Variants in NRG3 observed in about 807,000 individuals in gnomAD.
NRG3 encodes the protein pro-neuregulin-3, membrane-bound isoform.
A neutral mutation model predicts 66.9 loss-of-function variants in NRG3; 31 were observed. The observed-to-expected ratio is 0.46, with a 90% confidence interval of 0.35 to 0.63. The LOEUF is 0.63. Among genes scored for constraint, NRG3 ranks in the 20% least tolerant of loss-of-function variants. The pLI, the probability that NRG3 is intolerant of heterozygous loss-of-function variation, is 0.00. For missense variants in NRG3, 910 were observed against 878.9 expected, an observed-to-expected ratio of 1.04 and a Z score of -0.45; for synonymous variants, 393 against 359.4, an observed-to-expected ratio of 1.09 and a Z score of -1.06.
At chr10:82,780,480 C>CTTTTTTTT (rs150086019) in intron 3 of NRG3, among the ~76,000 whole-genome samples, 1 of 106,058 alleles carries the variant, frequency 9.4e-6, no homozygotes, top group Non-Finnish European at 2.0e-5. Context: ...TTTTTCTTTT[C>CTTTTTTTT]TTTTTTTTTT....
chr10:82,391,222 G>T (rs1263330387), intron 2 of NRG3, among the ~76,000 whole-genome samples: 2 of 152,122 alleles, frequency 1.3e-5, no homozygotes, highest in African/African-American at 4.8e-5. Flanking sequence ...GCCCTGGTTT[G>T]GGTATGAGGT....
At chr10:82,902,289 A>G (rs936597263) in intron 4 of NRG3, among the ~76,000 whole-genome samples, 1 of 152,190 alleles carries the variant, frequency 6.6e-6, no homozygotes. Flanking sequence ...TAAGCAGGAA[A>G]GTTCTGGGGA....
chr10:81,998,797 G>A (rs2061049031), intron 1 of NRG3, among the ~76,000 whole-genome samples: 1 of 152,138 alleles, frequency 6.6e-6, no homozygotes, highest in South Asian at 2.1e-4. Flanking sequence ...CCTTTTACCT[G>A]TAAACATCCT....
chr10:82,472,098 A>ATT (rs1218752533), intron 2 of NRG3, among the ~76,000 whole-genome samples: 1 of 152,132 alleles, frequency 6.6e-6, no homozygotes. Context: ...TCTTGCTCCT[A>ATT]TGTAACCATA....
intron 1 of NRG3, among the ~76,000 whole-genome samples, chr10:82,291,453 A>G (rs2079742968): frequency 6.6e-6 from 1 of 152,238 alleles, no homozygotes; most frequent in South Asian, 2.1e-4. Context: ...AATCTTAGCA[A>G]GATCTTTTGT....
intron 2 of NRG3, among the ~76,000 whole-genome samples, chr10:82,562,456 A>G (rs996379188): frequency 3.5e-4 from 54 of 152,168 alleles, no homozygotes; most frequent in Non-Finnish European, 1.0e-4. Context: ...TCTAATCACT[A>G]TGATATAAAT....
chr10:82,729,474 A>G (rs551532715), intron 2 of NRG3, among the ~76,000 whole-genome samples: 7 of 152,302 alleles, frequency 4.6e-5, no homozygotes, highest in Admixed American at 3.9e-4. Context: ...GGTAAAATCA[A>G]AGCTAAGTTA....
chr10:82,351,530 G>A, intron 1 of NRG3, among the ~76,000 whole-genome samples: 1 of 152,134 alleles, frequency 6.6e-6, no homozygotes, highest in East Asian at 1.9e-4. Context: ...GTCTCTCTGT[G>A]CTGGAGAAGC....
intron 3 of NRG3, among the ~76,000 whole-genome samples, chr10:82,780,958 C>T (rs879883707): frequency 7.9e-5 from 12 of 152,224 alleles, no homozygotes; most frequent in Middle Eastern, 3.4e-3. Context: ...AGGCACTTCC[C>T]TTGGCCTCTT....
intron 3 of NRG3, among the ~76,000 whole-genome samples, chr10:82,752,530 T>A (rs1469945199): frequency 6.6e-6 from 1 of 152,210 alleles, no homozygotes; most frequent in Non-Finnish European, 1.5e-5. Context: ...TCATTTTATT[T>A]CAGTTCATAC....
chr10:82,617,733 A>G (rs969380468), intron 2 of NRG3, among the ~76,000 whole-genome samples: 5 of 152,164 alleles, frequency 3.3e-5, no homozygotes, highest in African/African-American at 1.2e-4. Flanking sequence ...GTGGGGCCGT[A>G]GTGGAAGCCA....
intron 2 of NRG3, among the ~76,000 whole-genome samples, chr10:82,466,349 G>A (rs941042240): frequency 6.6e-6 from 1 of 152,142 alleles, no homozygotes; most frequent in African/African-American, 2.4e-5. Context: ...AGTAGGGAGA[G>A]GGGATCTCTG....
chr10:82,087,066 A>G (rs1351293166), intron 1 of NRG3, among the ~76,000 whole-genome samples: 1 of 152,162 alleles, frequency 6.6e-6, no homozygotes, highest in Non-Finnish European at 1.5e-5. Context: ...AGCTGAGCAC[A>G]GAAGACCCAT....
chr10:82,609,581 A>G (rs1344963944), intron 2 of NRG3, among the ~76,000 whole-genome samples: 1 of 151,360 alleles, frequency 6.6e-6, no homozygotes, highest in Admixed American at 6.6e-5. Context: ...CCAACAGATT[A>G]TATTTTCCAA....
At chr10:82,119,272 C>T (rs75227515) in intron 1 of NRG3, among the ~76,000 whole-genome samples, 3,109 of 152,148 alleles carry the variant, frequency 0.02, 96 homozygotes, top group African/African-American at 0.071. Context: ...ACTGTAACAA[C>T]GACAACAATG....
Position 82,596,964 on chromosome 10 carries a change from C to G in NRG3, c.954-141613C>G, listed in dbSNP as rs552652018. Among the ~76,000 whole-genome samples the G allele has an allele frequency of 5.3e-5, 8 of 152,276 alleles. No individual in the cohort carries two copies. In the East Asian group the frequency reaches 5.8e-4, roughly 11 times the overall value. Reference sequence around the variant, plus strand: ...TTCCTTTTATTGTCATTCTTCCCCCCACCCTGTGGTTTTTCTAACACCTGC... The same window carrying G: ...TTCCTTTTATTGTCATTCTTCCCCCGACCCTGTGGTTTTTCTAACACCTGC... On this transcript the variant is annotated intron_variant, in intron 2 of 8. Coordinates refer to ENST00000372141, the MANE Select transcript of NRG3 (RefSeq NM_001010848.4).
intron 6 of NRG3, among the ~76,000 whole-genome samples, chr10:82,965,096 T>C (rs1164418680): frequency 6.6e-6 from 1 of 152,182 alleles, no homozygotes; most frequent in Non-Finnish European, 1.5e-5. Context: ...AACCAGGGCC[T>C]ATGAAGGAGT....
chr10:82,015,075 C>G (rs2061728131), intron 1 of NRG3, among the ~76,000 whole-genome samples: 1 of 152,114 alleles, frequency 6.6e-6, no homozygotes, highest in African/African-American at 2.4e-5. Context: ...AGAAGTTTTT[C>G]TTTTGTAGAG....
intron 3 of NRG3, among the ~76,000 whole-genome samples, chr10:82,757,681 A>G (rs2059133449): frequency 6.6e-6 from 1 of 152,134 alleles, no homozygotes; most frequent in African/African-American, 2.4e-5. Flanking sequence ...AAAGGAGATG[A>G]TGCTCTGTAT....
Sources: allele counts gnomAD v4.1 joint callset (sites outside exome capture counted in the v4.1 genomes callset), GRCh38; gene constraint gnomAD v4.1.1; transcripts MANE v1.5; gene names NCBI Gene and HGNC (gene_info 2026-07-23, HGNC 2026-07-21).